The following LONRF2 variants were observed in gnomAD, a reference collection of about 807,000 sequenced individuals.
LONRF2 encodes the protein LON peptidase N-terminal domain and ring finger 2.
In LONRF2, 35 loss-of-function variants were observed where a neutral mutation model predicts 66.6. The observed-to-expected ratio is 0.53, with a 90% CI of 0.40 to 0.70. The LOEUF is 0.70. Ranked by LOEUF, LONRF2 falls within the 30% of genes least tolerant of loss-of-function variation. The pLI is 0.00. For missense variants in LONRF2, 902 were observed against 1,002.1 expected, an observed-to-expected ratio of 0.90 and a Z score of 1.35; for synonymous variants, 417 against 418.1, an observed-to-expected ratio of 1.00 and a Z score of 0.03.
intron 2 of LONRF2, among the ~76,000 whole-genome samples, chr2:100,306,767 G>C (rs1675299147): frequency 6.6e-6 from 1 of 152,080 alleles, no homozygotes. Flanking sequence ...ATCACACTCA[G>C]CCACCTTAGT....
intron 9 of LONRF2, among the ~76,000 whole-genome samples, chr2:100,290,969 C>T (rs761850768): frequency 2.0e-5 from 3 of 152,126 alleles, no homozygotes; most frequent in Non-Finnish European, 4.4e-5. Context: ...AGTGAAAAAA[C>T]AAGCTATGAG....
chr2:100,302,852 G>T (rs547126486), intron 3 of LONRF2, 69 bp downstream of exon 3: 5 of 1,368,480 alleles, frequency 3.7e-6, no homozygotes, highest in East Asian at 2.5e-5. Flanking sequence ...ACATGCAAGG[G>T]TTACTCAGCA....
chr2:100,310,365 C>A (rs1354753189), intron 1 of LONRF2, among the ~76,000 whole-genome samples: 1 of 152,190 alleles, frequency 6.6e-6, no homozygotes, highest in African/African-American at 2.4e-5. Context: ...ATTTTCTGAG[C>A]TCCTAAGATG....
Position 100,321,577 on chromosome 2 carries a change from G to A in LONRF2, c.517C>T (p.Arg173Trp), listed in dbSNP as rs1232314237. ...CKRCVEPGPA[R>W]PQVRRVNVVL... ...ACGTTCACGCGCCGCACCTGCGGCC[G>A]CGCGGGCCCTGGCTCCACGCAGCGC... Residue 173 changes from arginine (R) to tryptophan (W), a missense_variant, in exon 1 of 12, where the codon CGG becomes TGG. Transcript: ENST00000393437. The A allele has an allele frequency of 2.0e-6, 3 of 1,532,714 alleles. No homozygotes were observed. The highest frequency in any genetic ancestry group is 2.0e-5 in the Admixed American group (1 of 50,120). The allele number at this position is 1,532,714 out of a possible 1,614,324, so 94.9% of individuals were successfully genotyped here. A position where few individuals can be genotyped will look rare whatever the true frequency, so the allele number is the denominator to read the frequency against.
chr2:100,294,907 A>G (rs575966424), intron 8 of LONRF2, among the ~76,000 whole-genome samples: 1 of 152,220 alleles, frequency 6.6e-6, no homozygotes, highest in African/African-American at 2.4e-5. Context: ...GAGGTAAAAT[A>G]TACGTATACA....
rs74398925 is a variant in LONRF2, at chr2:100,299,376, C to T, written c.1268-57G>A. 6.9e-3 allele frequency: 7,086 copies of T among 1,028,850 alleles called. 316 individuals carry two copies. In the African/African-American group the frequency reaches 0.1, roughly 15 times the overall value. 63.7% of individuals were successfully genotyped at this position (1,028,850 alleles called of 1,614,324 possible). On this transcript the variant is annotated intron_variant, in intron 5 of 11. Coordinates refer to ENST00000393437, the MANE Select transcript of LONRF2 (RefSeq NM_198461.4). ...TAACACCTAAGCACCTGAACAACAG[C>T]ATGCAAGAAATGTATTTTCTCTGGA...
rs1674529127 is a variant in LONRF2 at position 100,272,966 on chromosome 2, G to C, written c.*11332C>G. On this transcript the variant is annotated 3_prime_UTR_variant, in exon 12 of 12. Coordinates refer to ENST00000393437, the MANE Select transcript of LONRF2 (RefSeq NM_198461.4). ...CTAAAATTCATGTCCACTAGAACCT[G>C]TGGATATAACCTTATTTGGAAATAC... Among the ~76,000 whole-genome samples, 1 of 152,204 alleles carries C rather than the reference G, an allele frequency of 6.6e-6. No individual in the cohort carries two copies. Among genetic ancestry groups the C allele is most frequent in the African/African-American group, 2.4e-5 (1 of 41,444 alleles).
At position 100,294,213 on chromosome 2, in the gene LONRF2, T is replaced by C. The variant is rs150237089; in HGVS notation, c.1757+16A>G. On this transcript the variant is annotated intron_variant, in intron 9 of 11. Transcript: ENST00000393437. Reference sequence around the variant, plus strand: ...CTTCATTAGGACCCTTTGAACCAAATGCTAACAGTTCTTACCCCGCGTGCT... The same window carrying C: ...CTTCATTAGGACCCTTTGAACCAAACGCTAACAGTTCTTACCCCGCGTGCT... 3,210 of 1,604,314 alleles carry C rather than the reference T, an allele frequency of 2.0e-3. 42 individuals are homozygous for C. The African/African-American group carries it at 0.038, about 19-fold the overall frequency.
At chr2:100,301,287 G>A (rs1296053471) in intron 3 of LONRF2, among the ~76,000 whole-genome samples, 3 of 152,204 alleles carry the variant, frequency 2.0e-5, no homozygotes, top group African/African-American at 7.2e-5. Flanking sequence ...CATTGGTGGG[G>A]GCAGGGGAAG....
Position 100,299,808 on chromosome 2 carries a change from T to C in LONRF2, c.1176A>G (p.Pro392=). ...EDKKALESIL[P]TAPSAGLKRQ... is the part of the protein sequence containing the mutation. ...TCTTTAAGCCAGCGCTGGGTGCTGT[T>C]GGAAGGATGCTTTCTAACGCCTTTT... Residue 392 remains proline, a synonymous_variant, in exon 5 of 12, where the codon CCA becomes CCG. Coordinates refer to ENST00000393437, the MANE Select transcript of LONRF2 (RefSeq NM_198461.4). 6.2e-7 allele frequency: 1 copy of C among 1,613,978 alleles called. No individual in the cohort carries two copies. Among genetic ancestry groups the C allele is most frequent in the Non-Finnish European group, 8.5e-7 (1 of 1,179,918 alleles).
chr2:100,284,301 A>G lies in LONRF2; in HGVS notation c.2262T>C (p.Asn754=). 6.6e-7 allele frequency: 1 copy of G among 1,523,870 alleles called. No individual in the cohort carries two copies. The highest frequency in any genetic ancestry group is 8.9e-7 in the Non-Finnish European group (1 of 1,129,214). The allele number at this position is 1,523,870 out of a possible 1,614,324, so 94.4% of individuals were successfully genotyped here. A position where few individuals can be genotyped will look rare whatever the true frequency, so the allele number is the denominator to read the frequency against. ...GAAACCTTGACAGAGAGAAAAATCA[A>G]TTATTTCTCTCCCTGGCATTAGCCA... ...QELANARERN[N] Residue 754 remains asparagine, a synonymous_variant, in exon 12 of 12, where the codon AAT becomes AAC. Transcript: ENST00000393437.
At chr2:100,315,971 T>G (rs1337289184) in intron 1 of LONRF2, among the ~76,000 whole-genome samples, 1 of 152,190 alleles carries the variant, frequency 6.6e-6, no homozygotes, top group Non-Finnish European at 1.5e-5. Context: ...TAAGCACTGT[T>G]GCATTGCATC....
chr2:100,297,055 G>A (rs1675082570), intron 7 of LONRF2, among the ~76,000 whole-genome samples: 1 of 152,022 alleles, frequency 6.6e-6, no homozygotes. Context: ...AGAGTCTCTG[G>A]TGCATGTGCT....
In LONRF2 at chr2:100,284,401, G is replaced by C. The variant is rs764506699; in HGVS notation, c.2162C>G (p.Ser721Trp). 4 of 1,604,294 alleles carry C rather than the reference G, an allele frequency of 2.5e-6. No homozygotes were observed. The Admixed American group carries it at 6.8e-5, about 27-fold the overall frequency. Residue 721 changes from serine to tryptophan, a missense_variant, in exon 12 of 12, where the codon TCG (serine) becomes TGG (tryptophan). Ser to Trp is a radical substitution (Grantham distance 177). Around this residue, in one of 2 missense-constraint regions of LONRF2, gnomAD observed 317 missense variants for 432.2 expected, o/e 0.73. Transcript: ENST00000393437. ...KAQLAILGMT[S>W]LKERLLAIRR... ...GATGGCAAGGAGCCGCTCTTTGAGC[G>C]AGGTCATGCCGAGGATGGCCAGCTG...
In LONRF2 at chr2:100,317,409, C is replaced by A. The variant is rs114137174; in HGVS notation, c.679+4006G>T. Among the ~76,000 whole-genome samples the A allele has an allele frequency of 2.7e-3, 404 of 152,260 alleles. 3 individuals carry two copies. The highest frequency in any genetic ancestry group is 4.1e-3 in the Non-Finnish European group (282 of 68,010). ...CCTCCAAAACAGTGTACAAACCATACAACAATTTAACTGTATTTACCCATT... is the reference window on the plus strand; with the variant it reads ...CCTCCAAAACAGTGTACAAACCATAAAACAATTTAACTGTATTTACCCATT... On this transcript the variant is annotated intron_variant, in intron 1 of 11. Transcript: ENST00000393437.
Position 100,274,364 on chromosome 2 carries a change from C to T in LONRF2, c.*9934G>A, listed in dbSNP as rs1045555133. The T allele has an allele frequency of 1.3e-5, 2 of 152,242 alleles. No individual in the cohort carries two copies. The highest frequency in any genetic ancestry group is 4.1e-4 in the South Asian group (2 of 4,828). The allele number at this position is 152,242 out of a possible 1,614,324, so 9.4% of individuals were successfully genotyped here. On this transcript the variant is annotated 3_prime_UTR_variant, in exon 12 of 12. Transcript: ENST00000393437. ...ACCAAGGGGTGCTTGAAGGTCCAGG[C>T]CCGCCCCTCTCTAGAGGAAAAACCT...
intron 1 of LONRF2, among the ~76,000 whole-genome samples, chr2:100,313,521 A>G (rs1207079748): frequency 6.6e-6 from 1 of 152,144 alleles, no homozygotes; most frequent in Non-Finnish European, 1.5e-5. Context: ...AAACAAATGG[A>G]CACATAAAGC....
At position 100,321,841 on chromosome 2, in the gene LONRF2, C is replaced by T. The variant is rs1675639202; in HGVS notation, c.253G>A (p.Ala85Thr). 3 of 1,143,538 alleles carry T rather than the reference C, an allele frequency of 2.6e-6. No homozygotes were observed. Among genetic ancestry groups the T allele is most frequent in the Non-Finnish European group, 3.2e-6 (3 of 934,468 alleles). 70.8% of individuals were successfully genotyped at this position (1,143,538 alleles called of 1,614,324 possible). A position where few individuals can be genotyped will look rare whatever the true frequency, so the allele number is the denominator to read the frequency against. The change falls in exon 1 of 12, where the codon GCG becomes ACG. Residue 85 changes from alanine to threonine, a missense_variant. Coordinates refer to ENST00000393437, the MANE Select transcript of LONRF2 (RefSeq NM_198461.4). ...TCCGGCCGCAGCGCCCCGAGCCGCGCGGCGCCGCGGAACGCGCCCAGGGCT... is the reference window on the plus strand; with the variant it reads ...TCCGGCCGCAGCGCCCCGAGCCGCGTGGCGCCGCGGAACGCGCCCAGGGCT... ...PEALGAFRGAARLGALRPEEL... is the reference protein window; with the variant it reads ...PEALGAFRGATRLGALRPEEL...
At chr2:100,320,945 G>A (rs7582424) in intron 1 of LONRF2, among the ~76,000 whole-genome samples, 5,639 of 152,294 alleles carry the variant, frequency 0.037, 228 homozygotes, top group African/African-American at 0.099. Context: ...GAGCCGGAGC[G>A]TTTGACGTGA....
Sources: gnomAD v4.1 joint callset for allele counts (sites outside exome capture counted in the v4.1 genomes callset) on GRCh38, gnomAD v4.1.1 for gene constraint, gnomAD v4.1.1 regional missense constraint, MANE v1.5 for transcripts, NCBI Gene and HGNC (gene_info 2026-07-23, HGNC 2026-07-21) for gene names.